RUFY4: variants seen among roughly 807,000 people sequenced by gnomAD.
The protein encoded by RUFY4 is RUN and FYVE domain-containing protein 4.
RUFY4 carries 73 observed loss-of-function variants against 69.0 expected under a neutral mutation model. The ratio of observed to expected loss-of-function variants is 1.06; its 90% CI spans 0.88 to 1.29. RUFY4 has a LOEUF of 1.29. RUFY4 is among the 50% of genes most tolerant of loss of function. The pLI, the probability that RUFY4 is intolerant of heterozygous loss-of-function variation, is 0.00. For synonymous variants in RUFY4, 287 were observed against 271.8 expected (o/e 1.06, Z -0.55); for missense variants, 770 against 705.6 (o/e 1.09, Z -1.03).
intron 2 of RUFY4, among the ~76,000 whole-genome samples, chr2:218,042,350 C>A (rs1336564375): frequency 6.6e-6 from 1 of 152,172 alleles, no homozygotes; most frequent in African/African-American, 2.4e-5. Context: ...ATAGAAACAC[C>A]ATTTCTTACC....
intron 9 of RUFY4, among the ~76,000 whole-genome samples, chr2:218,085,299 A>G (rs1320052904): frequency 6.6e-6 from 1 of 152,174 alleles, no homozygotes; most frequent in Non-Finnish European, 1.5e-5. Flanking sequence ...ACATTAAACT[A>G]TGTAATACAA....
At chr2:218,069,137 C>A (rs1051396233), upstream of RUFY4, 2 of 152,412 alleles carry the variant, frequency 1.3e-5, no homozygotes, top group Admixed American at 1.3e-4. Flanking sequence ...TGCCCCAGCG[C>A]CCTGGATCCT....
chr2:218,059,022 A>G (rs1332651946), intron 3 of RUFY4: 1 of 152,080 alleles, frequency 6.6e-6, no homozygotes. Flanking sequence ...CCTTCTCTTT[A>G]CGACACAACA....
rs1689639728 is a variant in RUFY4 at position 218,076,620 on chromosome 2, G to A, written c.1355+87G>A. 2.0e-6 allele frequency: 3 copies of A among 1,516,064 alleles called. No homozygotes were observed. In the East Asian group the frequency reaches 7.7e-5, roughly 39 times the overall value. The allele number at this position is 1,516,064 out of a possible 1,614,324, so 93.9% of individuals were successfully genotyped here. A position where few individuals can be genotyped will look rare whatever the true frequency, so the allele number is the denominator to read the frequency against. On this transcript the variant is annotated intron_variant, in intron 8 of 10. Transcript: ENST00000344321. Reference sequence around the variant, plus strand: ...CACGGTCAAGCCAGTGAGGTCTTGTGAGAACCTCCCATGCACCAGGCCCTG... The same window carrying A: ...CACGGTCAAGCCAGTGAGGTCTTGTAAGAACCTCCCATGCACCAGGCCCTG...
intron 2 of RUFY4, 136 bp downstream of exon 4, chr2:218,070,995 C>A (rs1010143105): frequency 4.5e-6 from 3 of 667,364 alleles, no homozygotes; most frequent in Non-Finnish European, 7.6e-6. Context: ...CCTCCTGACA[C>A]CTAACCTCAC....
At chr2:218,073,049 C>T (rs760697334) in intron 4 of RUFY4, among the ~76,000 whole-genome samples, 164 bp downstream of exon 6, 3 of 152,260 alleles carry the variant, frequency 2.0e-5, no homozygotes, top group African/African-American at 2.4e-5. Flanking sequence ...GAGGTTAGAA[C>T]CCAGGAGTCC....
At chr2:218,048,485 G>T (rs1457791864) in intron 2 of RUFY4, among the ~76,000 whole-genome samples, 1 of 152,024 alleles carries the variant, frequency 6.6e-6, no homozygotes, top group Non-Finnish European at 1.5e-5. Context: ...GTTGCTTTTT[G>T]TGTTTTCATC....
intron 2 of RUFY4, among the ~76,000 whole-genome samples, chr2:218,043,427 T>A (rs1206624135): frequency 6.6e-6 from 1 of 151,658 alleles, no homozygotes; most frequent in Non-Finnish European, 1.5e-5. Flanking sequence ...TCTGTTCTGC[T>A]CTCAGCAGAG....
chr2:218,086,191 G>A (rs1689890796), intron 9 of RUFY4, among the ~76,000 whole-genome samples: 1 of 152,208 alleles, frequency 6.6e-6, no homozygotes, highest in African/African-American at 2.4e-5. Flanking sequence ...AGAGATGGGA[G>A]TCAGGAGAGA....
At chr2:218,064,412 A>C (rs1196131731), upstream of RUFY4, among the ~76,000 whole-genome samples, 1 of 151,910 alleles carries the variant, frequency 6.6e-6, no homozygotes, top group African/African-American at 2.4e-5. Context: ...AGCCAACCCC[A>C]AGTTGGGTCT....
intron 2 of RUFY4, among the ~76,000 whole-genome samples, chr2:218,048,061 T>TA (rs1375082220): frequency 1.3e-5 from 2 of 152,226 alleles, no homozygotes; most frequent in Non-Finnish European, 2.9e-5. Context: ...CTGGTTGAAC[T>TA]AATTTACACT....
exon 10 of RUFY4, chr2:218,089,354 T>C (rs1207265548): frequency 1.9e-6 from 3 of 1,613,690 alleles, no homozygotes; most frequent in Admixed American, 1.7e-5. Flanking sequence ...CTCGGCGGTA[T>C]CCATGCAGGT....
intron 2 of RUFY4, among the ~76,000 whole-genome samples, chr2:218,056,079 C>T (rs187178064): frequency 7.9e-5 from 12 of 152,298 alleles, no homozygotes; most frequent in African/African-American, 2.6e-4. Flanking sequence ...AGAGGTGACA[C>T]TCTCTGCTTT....
intron 2 of RUFY4, among the ~76,000 whole-genome samples, chr2:218,036,148 A>C (rs1028633884): frequency 6.6e-6 from 1 of 152,206 alleles, no homozygotes; most frequent in Non-Finnish European, 1.5e-5. Context: ...GTGGGGATTG[A>C]ATGGGACAAA....
intron 2 of RUFY4, among the ~76,000 whole-genome samples, chr2:218,047,091 A>G (rs1256145669): frequency 6.6e-6 from 1 of 151,864 alleles, no homozygotes; most frequent in Non-Finnish European, 1.5e-5. Flanking sequence ...AAAAGATTAC[A>G]CTTTTCTTCA....
chr2:218,082,689 G>A (rs1400386889), intron 8 of RUFY4, among the ~76,000 whole-genome samples: 1 of 151,590 alleles, frequency 6.6e-6, no homozygotes, highest in Non-Finnish European at 1.5e-5. Context: ...TGTTGTGTGT[G>A]TTGTGCAAGT....
At chr2:218,040,793 C>T (rs76473145) in intron 2 of RUFY4, among the ~76,000 whole-genome samples, 2,302 of 152,152 alleles carry the variant, frequency 0.015, 43 homozygotes, top group East Asian at 0.084. Context: ...CATAGATCCT[C>T]AGGTCTGGCA....
At chr2:218,086,368 A>T (rs1689894448) in intron 9 of RUFY4, among the ~76,000 whole-genome samples, 1 of 152,252 alleles carries the variant, frequency 6.6e-6, no homozygotes, top group African/African-American at 2.4e-5. Context: ...GGAATGAAAA[A>T]CAAAACAAAC....
At chr2:218,083,237 C>T (rs771202517) in exon 9 of RUFY4, 18 of 1,609,330 alleles carry the variant, frequency 1.1e-5, no homozygotes, top group Admixed American at 1.0e-4. Context: ...CATGAAGAGG[C>T]GGGTGTTGGA....
Sources: gnomAD v4.1 joint callset for allele counts (sites outside exome capture counted in the v4.1 genomes callset) on GRCh38, gnomAD v4.1.1 for gene constraint, MANE v1.5 for transcripts, NCBI Gene and HGNC (gene_info 2026-07-23, HGNC 2026-07-21) for gene names.